UGT1A4: variants seen among roughly 807,000 people sequenced by gnomAD.
The protein encoded by UGT1A4 is UDP glucuronosyltransferase family 1 member A4.
Under a neutral mutation model 41.1 loss-of-function variants are expected in UGT1A4, and 32 were observed. The observed-to-expected ratio is 0.78, with a 90% CI of 0.59 to 1.05. UGT1A4 has a LOEUF of 1.05. Ranked by LOEUF, UGT1A4 falls within the 50% of genes least tolerant of loss-of-function variation. UGT1A4 has a pLI of 0.00. For missense variants in UGT1A4, 748 were observed against 677.4 expected, an observed-to-expected ratio of 1.10 and a Z score of -1.16; for synonymous variants, 283 against 265.1, an observed-to-expected ratio of 1.07 and a Z score of -0.66.
intron 1 of UGT1A4, among the ~76,000 whole-genome samples, chr2:233,728,858 C>G (rs1482684625): frequency 1.3e-5 from 2 of 152,126 alleles, no homozygotes; most frequent in Admixed American, 6.5e-5. Context: ...GGATGAGAAA[C>G]AAGAGCTTGA....
rs144684818 is a variant in UGT1A4, at chr2:233,763,987, G to A, written c.868-3047G>A. On this transcript the variant is annotated intron_variant, in intron 1 of 4. Transcript: ENST00000373409. ...GATATATGTGGGTTACTGGGAATGC[G>A]TGATGGTGAAGTCACAGATGACCCA... 4.9e-3 allele frequency among the ~76,000 whole-genome samples: 743 copies of A among 152,304 alleles called. 10 individuals are homozygous for A. The highest frequency in any genetic ancestry group is 0.017 in the African/African-American group (695 of 41,566).
chr2:233,729,060 A>G (rs1266592558), intron 1 of UGT1A4: 4 of 1,610,542 alleles, frequency 2.5e-6, no homozygotes, highest in Non-Finnish European at 3.4e-6. Flanking sequence ...GGTAATTAAG[A>G]TGAAGAAAGC....
At position 233,723,536 on chromosome 2, in the gene UGT1A4, T is replaced by TTTA. The variant is rs1553611580; in HGVS notation, c.867+3849_867+3850insTTA. Among the ~76,000 whole-genome samples, 173 of 121,466 alleles carry TTTA rather than the reference T, an allele frequency of 1.4e-3. 3 individuals carry two copies. Among genetic ancestry groups the TTTA allele is most frequent in the African/African-American group, 3.3e-3 (98 of 29,940 alleles). 79.7% of individuals were successfully genotyped at this position (121,466 alleles called of 152,430 possible). A position where few individuals can be genotyped will look rare whatever the true frequency, so the allele number is the denominator to read the frequency against. On this transcript the variant is annotated intron_variant, in intron 1 of 4. Transcript: ENST00000373409. Reference sequence around the variant, plus strand: ...ACAATCTTTTTTTTTTTTTTTTTTTTAATTTATTTTTTTATTGATAATTCT... The same window carrying TTTA: ...ACAATCTTTTTTTTTTTTTTTTTTTTTTAAATTTATTTTTTTATTGATAATTCT...
chr2:233,767,164 C>T lies in UGT1A4; in HGVS notation c.998C>T (p.Thr333Ile). 1.2e-6 allele frequency: 2 copies of T among 1,614,090 alleles called. No individual in the cohort carries two copies. The highest frequency in any genetic ancestry group is 1.7e-6 in the Non-Finnish European group (2 of 1,180,006). Reference sequence around the variant, plus strand: ...GATGCTTTGGGCAAAATCCCTCAGACAGTAAGAAGATTCTATACCATGGCC... The same window carrying T: ...GATGCTTTGGGCAAAATCCCTCAGATAGTAAGAAGATTCTATACCATGGCC... ...IADALGKIPQTVLWRYTGTRP... is the reference protein window; with the variant it reads ...IADALGKIPQIVLWRYTGTRP... Residue 333 changes from threonine to isoleucine, a missense_variant and splice_region_variant, in exon 2 of 5, where the codon ACA (threonine) becomes ATA (isoleucine). By Grantham distance (89) the Thr-to-Ile change is moderately conservative. Transcript: ENST00000373409.
intron 1 of UGT1A4, among the ~76,000 whole-genome samples, chr2:233,736,806 A>C (rs1345730820): frequency 6.6e-6 from 1 of 152,210 alleles, no homozygotes; most frequent in African/African-American, 2.4e-5. Context: ...AGTTTGCTGG[A>C]GGTCCACTCC....
intron 1 of UGT1A4, among the ~76,000 whole-genome samples, chr2:233,746,718 T>C (rs1161016418): frequency 6.6e-6 from 1 of 151,822 alleles, no homozygotes; most frequent in Non-Finnish European, 1.5e-5. Flanking sequence ...ATAAGGGAAT[T>C]AGCAATGGAT....
chr2:233,738,020 A>T (rs1165451282), intron 1 of UGT1A4, among the ~76,000 whole-genome samples: 1 of 152,034 alleles, frequency 6.6e-6, no homozygotes, highest in East Asian at 1.9e-4. Context: ...TTGAATTGTA[A>T]TCCCCATAAT....
intron 3 of UGT1A4, 49 bp from the exon 4 acceptor site, chr2:233,768,166 AGCTGT>A: frequency 6.2e-7 from 1 of 1,613,684 alleles, no homozygotes; most frequent in South Asian, 1.1e-5. Flanking sequence ...AGATGTGTCC[AGCTGT>A]GAAACTCAGA....
chr2:233,747,228 C>T (rs1559391943), intron 1 of UGT1A4: 2 of 1,605,178 alleles, frequency 1.2e-6, no homozygotes, highest in East Asian at 2.2e-5. Context: ...CCACAGGACC[C>T]CAGGTTCCCC....
intron 1 of UGT1A4, among the ~76,000 whole-genome samples, chr2:233,731,288 T>C (rs1332920122): frequency 3.9e-5 from 6 of 151,912 alleles, no homozygotes; most frequent in Non-Finnish European, 5.9e-5. Context: ...TTCTTTCTTT[T>C]TTTTTTTTTT....
At position 233,768,291 on chromosome 2, in the gene UGT1A4, G is replaced by A. The variant is rs143573365; in HGVS notation, c.1159G>A (p.Val387Ile). Residue 387 changes from valine to isoleucine, a missense_variant, in exon 4 of 5, where the codon GTT (valine) becomes ATT (isoleucine). Transcript: ENST00000373409. ...TGTTTATGAAAGCATATGCAATGGC[G>A]TTCCCATGGTGATGATGCCCTTGTT... ...HGVYESICNG[V>I]PMVMMPLFGD... 6.4e-5 allele frequency: 104 copies of A among 1,614,030 alleles called. No homozygotes were observed. Among genetic ancestry groups the A allele is most frequent in the Middle Eastern group, 1.6e-4 (1 of 6,084 alleles).
rs556044106 is a variant in UGT1A4, at chr2:233,743,839, C to T, written c.868-23195C>T. ...TTTTGTCGGGGTGCCACTTGAGCGC[C>T]AGCTTGCGGTACGCCTTCTTGATGG... On this transcript the variant is annotated intron_variant, in intron 1 of 4. Coordinates refer to ENST00000373409, the MANE Select transcript of UGT1A4 (RefSeq NM_007120.3). 3 of 1,367,286 alleles carry T rather than the reference C, an allele frequency of 2.2e-6. No individual in the cohort carries two copies. In the South Asian group the frequency reaches 3.4e-5, roughly 16 times the overall value. 84.7% of individuals were successfully genotyped at this position (1,367,286 alleles called of 1,614,324 possible).
chr2:233,769,664 G>A lies in UGT1A4; in HGVS notation c.1307+1225G>A. ...CTGATGACTGACTTCCCACCTTTGAGGTGCTAATGTGTGTGTGGTGGCACT... is the reference window on the plus strand; with the variant it reads ...CTGATGACTGACTTCCCACCTTTGAAGTGCTAATGTGTGTGTGGTGGCACT... On this transcript the variant is annotated intron_variant, in intron 4 of 4. Coordinates refer to ENST00000373409, the MANE Select transcript of UGT1A4 (RefSeq NM_007120.3). This position sits in a 1 kb window ranked among gnomAD's most constrained non-coding sequence, Gnocchi z 4.4. The A allele has an allele frequency of 6.3e-7, 1 of 1,596,206 alleles. No homozygotes were observed. Among genetic ancestry groups the A allele is most frequent in the African/African-American group, 1.3e-5 (1 of 74,742 alleles).
chr2:233,747,446 A>G (rs1037579291), intron 1 of UGT1A4: 7 of 1,608,790 alleles, frequency 4.4e-6, no homozygotes, highest in Admixed American at 3.3e-5. Flanking sequence ...TCACCCTGAC[A>G]ACCTATGCCA....
At chr2:233,760,280 A>G (rs1365658904) in intron 1 of UGT1A4, 1 of 1,612,818 alleles carries the variant, frequency 6.2e-7, no homozygotes, top group Non-Finnish European at 8.5e-7. Flanking sequence ...GGCAGGAGCA[A>G]AGGCGCCATG....
chr2:233,742,169 GAA>G (rs2125841424), intron 1 of UGT1A4, among the ~76,000 whole-genome samples: 1 of 152,048 alleles, frequency 6.6e-6, no homozygotes, highest in East Asian at 1.9e-4. Context: ...CACACACACA[GAA>G]ATATAGAGTG....
At chr2:233,745,258 A>T (rs1322135753) in intron 1 of UGT1A4, among the ~76,000 whole-genome samples, 2 of 151,808 alleles carry the variant, frequency 1.3e-5, no homozygotes, top group East Asian at 1.9e-4. Flanking sequence ...AACCATTAAG[A>T]CTTGCAGGCC....
At chr2:233,742,936 C>T (rs78644424) in intron 1 of UGT1A4, 5,022 of 211,572 alleles carry the variant, frequency 0.024, 84 homozygotes, top group Non-Finnish European at 0.03. Flanking sequence ...ACATTCTGTC[C>T]TACCACTAGC....
chr2:233,765,404 C>T (rs746281443), intron 1 of UGT1A4, among the ~76,000 whole-genome samples: 4 of 152,166 alleles, frequency 2.6e-5, no homozygotes, highest in Non-Finnish European at 2.9e-5. Flanking sequence ...GGTACATATA[C>T]ACCATGGAAT....
Sources: allele counts gnomAD v4.1 joint callset (sites outside exome capture counted in the v4.1 genomes callset), GRCh38; gene constraint gnomAD v4.1.1; non-coding constraint Gnocchi (gnomAD v3.1); transcripts MANE v1.5; gene names NCBI Gene and HGNC (gene_info 2026-07-23, HGNC 2026-07-21).